Variants in EVL observed in about 807,000 individuals in gnomAD.
EVL encodes Enah/Vasp-like.
EVL carries 21 observed loss-of-function variants against 59.6 expected under a neutral mutation model. The ratio of observed to expected loss-of-function variants is 0.35; its 90% CI spans 0.25 to 0.51. EVL has a LOEUF of 0.51. Ranked by LOEUF, EVL falls within the 20% of genes least tolerant of loss-of-function variation. The pLI, the probability that EVL is intolerant of heterozygous loss-of-function variation, is 0.97. For missense variants in EVL, 462 were observed against 546.6 expected (o/e 0.85, Z 1.54); for synonymous variants, 198 against 203.5 (o/e 0.97, Z 0.23).
chr14:100,020,677 C>T (rs1320964859), intron 1 of EVL, among the ~76,000 whole-genome samples: 1 of 152,176 alleles, frequency 6.6e-6, no homozygotes, highest in Admixed American at 6.5e-5. Context: ...AGAATAACCA[C>T]CTTTCATTCT....
chr14:100,025,344 G>A (rs2061192485), intron 1 of EVL, among the ~76,000 whole-genome samples: 1 of 152,006 alleles, frequency 6.6e-6, no homozygotes, highest in Non-Finnish European at 1.5e-5. Flanking sequence ...GAACACACCA[G>A]GCTGCCTCCT....
intron 2 of EVL, among the ~76,000 whole-genome samples, chr14:100,088,284 A>G (rs1219549807): frequency 2.6e-5 from 4 of 152,212 alleles, no homozygotes; most frequent in Non-Finnish European, 5.9e-5. Context: ...GGTCAAGAAG[A>G]TAGTTCTCCA....
rs571977108 is a variant in EVL, at chr14:100,127,151, A to G, written c.487+380A>G. 1.5e-4 allele frequency among the ~76,000 whole-genome samples: 23 copies of G among 152,340 alleles called. No individual in the cohort carries two copies. The highest frequency in any genetic ancestry group is 4.3e-4 in the African/African-American group (18 of 41,582). ...ACCCTTGTCATGTCACGTAGTGAAC[A>G]CTGTGGCAAGTGACGTGCAGGTGCT... On this transcript the variant is annotated intron_variant, in intron 5 of 13. Coordinates refer to ENST00000392920, the MANE Select transcript of EVL (RefSeq NM_016337.3). This position sits in a 1 kb window ranked among gnomAD's most constrained non-coding sequence, Gnocchi z 4.2.
At chr14:100,037,027 G>C (rs2061399488) in intron 1 of EVL, among the ~76,000 whole-genome samples, 1 of 152,222 alleles carries the variant, frequency 6.6e-6, no homozygotes, top group Non-Finnish European at 1.5e-5. Flanking sequence ...GCCAAGGAGA[G>C]AGGCCTCCAG....
chr14:100,097,343 A>G, intron 2 of EVL, 138 bp from the exon 3 acceptor site: 1 of 712,266 alleles, frequency 1.4e-6, no homozygotes, highest in South Asian at 2.0e-5. Flanking sequence ...TCTACCTGAT[A>G]TTGCTTTTCC....
In EVL at chr14:99,986,290, C is replaced by CAAAAAAAA. The variant is rs3072366; in HGVS notation, c.5+14248_5+14255dup. Among the ~76,000 whole-genome samples, 331 of 78,396 alleles carry CAAAAAAAA rather than the reference C, an allele frequency of 4.2e-3. 7 individuals carry two copies. Among genetic ancestry groups the CAAAAAAAA allele is most frequent in the East Asian group, 0.032 (95 of 3,008 alleles). 51.4% of individuals were successfully genotyped at this position (78,396 alleles called of 152,430 possible). On this transcript the variant is annotated intron_variant, in intron 1 of 13. Transcript: ENST00000402714. ...CTGGGTGACAGAGTGGACTCTGTCT[C>CAAAAAAAA]AAAAAAAAAAAAAAAAAAAAAATCA...
At chr14:100,090,011 A>G (rs56156818) in intron 2 of EVL, among the ~76,000 whole-genome samples, 11,503 of 152,266 alleles carry the variant, frequency 0.076, 705 homozygotes, top group East Asian at 0.18. Flanking sequence ...AGAGTATTTG[A>G]AAATCAGTGA....
intron 6 of EVL, among the ~76,000 whole-genome samples, chr14:100,129,344 G>A (rs1028512908): frequency 1.4e-4 from 21 of 151,394 alleles, no homozygotes; most frequent in African/African-American, 3.6e-4. Flanking sequence ...GGGAGTGTCT[G>A]CGACTTGTGT....
At chr14:100,103,443 GCT>G (rs1223064548) in intron 3 of EVL, among the ~76,000 whole-genome samples, 1 of 152,048 alleles carries the variant, frequency 6.6e-6, no homozygotes, top group Non-Finnish European at 1.5e-5. Context: ...CCAGCCTAGT[GCT>G]CTCTCAGCAA....
At chr14:100,102,244 A>T (rs1016071802) in intron 3 of EVL, 1 of 455,956 alleles carries the variant, frequency 2.2e-6, no homozygotes, top group African/African-American at 2.0e-5. Context: ...GCAGCGCAGC[A>T]TAGAGGAACA....
chr14:100,046,120 A>G (rs1470680679), intron 1 of EVL, among the ~76,000 whole-genome samples: 2 of 152,200 alleles, frequency 1.3e-5, no homozygotes, highest in African/African-American at 2.4e-5. Context: ...ATGATAAGAA[A>G]AACTCGGGAG....
intron 3 of EVL, among the ~76,000 whole-genome samples, chr14:100,104,902 CTTT>C (rs568203851): frequency 0.074 from 7,329 of 99,550 alleles, 514 homozygotes; most frequent in African/African-American, 0.18. Context: ...CCTCTCTTTA[CTTT>C]TTTTTTTTTT....
Position 100,007,992 on chromosome 14 carries a change from C to T in EVL, c.5+35935C>T, listed in dbSNP as rs74084420. Among the ~76,000 whole-genome samples the T allele has an allele frequency of 0.012, 1,752 of 152,228 alleles. 82 individuals are homozygous for T. The East Asian group carries it at 0.16, about 14-fold the overall frequency. ...ATCTCTGGCTTCTACCCATTGGATG[C>T]TAGAAGCAACACCCAACCTCATTTC... On this transcript the variant is annotated intron_variant, in intron 1 of 13. Transcript: ENST00000402714.
intron 1 of EVL, among the ~76,000 whole-genome samples, chr14:99,975,964 TCTG>T (rs1172509291): frequency 3.9e-5 from 6 of 152,222 alleles, no homozygotes; most frequent in African/African-American, 1.4e-4. Context: ...CTGTATATAA[TCTG>T]CTATTAAAAC....
At chr14:100,065,603 C>G in intron 1 of EVL, 92 bp downstream of exon 1, 1 of 709,778 alleles carries the variant, frequency 1.4e-6, no homozygotes, top group Non-Finnish European at 2.1e-6. Flanking sequence ...TATCTCAGGT[C>G]CCCTTAGTAT....
At chr14:100,082,417 G>A (rs2140298468) in intron 1 of EVL, among the ~76,000 whole-genome samples, 1 of 152,302 alleles carries the variant, frequency 6.6e-6, no homozygotes, top group African/African-American at 2.4e-5. Flanking sequence ...CTGATGGAAG[G>A]AAGCGCTCTT....
At chr14:100,047,118 C>CTTTT (rs869205625) in intron 1 of EVL, among the ~76,000 whole-genome samples, 5 of 23,890 alleles carry the variant, frequency 2.1e-4, no homozygotes, top group African/African-American at 6.8e-4. Context: ...ATCTCTCTCT[C>CTTTT]TTTTTTTTTT....
At chr14:100,058,161 C>T (rs1430813457) in intron 1 of EVL, among the ~76,000 whole-genome samples, 4 of 152,196 alleles carry the variant, frequency 2.6e-5, no homozygotes, top group African/African-American at 7.2e-5. Flanking sequence ...TGAACTAGAT[C>T]TCCTAAGTAG....
At chr14:100,107,160 A>T (rs1886623602) in intron 3 of EVL, 1 of 398,646 alleles carries the variant, frequency 2.5e-6, no homozygotes, top group Non-Finnish European at 4.4e-6. Context: ...TTGTCCCCAC[A>T]TCCAGCAGTT....
Sources: allele counts gnomAD v4.1 joint callset (sites outside exome capture counted in the v4.1 genomes callset), GRCh38; gene constraint gnomAD v4.1.1; non-coding constraint Gnocchi (gnomAD v3.1); transcripts MANE v1.5; gene names NCBI Gene and HGNC (gene_info 2026-07-23, HGNC 2026-07-21).